COL5A2: variants seen among roughly 807,000 people sequenced by gnomAD.
The protein encoded by COL5A2 is collagen type V alpha 2 chain.
COL5A2 carries 23 observed loss-of-function variants against 208.2 expected under a neutral mutation model. The observed-to-expected ratio is 0.11, with a 90% CI of 0.08 to 0.16. COL5A2 has a LOEUF of 0.16. COL5A2 is among the 10% of genes least tolerant of loss of function. The pLI, the probability that COL5A2 is intolerant of heterozygous loss-of-function variation, is 1.00. For synonymous variants in COL5A2, 625 were observed against 628.5 expected (o/e 0.99, Z 0.08); for missense variants, 1,590 against 1,956.4 (o/e 0.81, Z 3.53).
the COL5A2 span, among the ~76,000 whole-genome samples, chr2:189,249,449 A>C: frequency 6.6e-6 from 1 of 152,196 alleles, no homozygotes; most frequent in African/African-American, 2.4e-5. Context: ...AAGTTTCTTT[A>C]TTCAAAAATA....
chr2:189,258,699 C>T, the COL5A2 span, among the ~76,000 whole-genome samples: 2 of 151,980 alleles, frequency 1.3e-5, no homozygotes, highest in East Asian at 1.9e-4. Flanking sequence ...TTTTTCCATT[C>T]ATATATGGGA....
the COL5A2 span, among the ~76,000 whole-genome samples, chr2:189,405,796 T>C: frequency 2.6e-5 from 4 of 152,236 alleles, no homozygotes; most frequent in East Asian, 1.9e-4. Context: ...TATGGAATTA[T>C]AGCACATTTT....
chr2:189,210,425 TG>T (rs1689198057), intron 1 of COL5A2, among the ~76,000 whole-genome samples: 1 of 119,574 alleles, frequency 8.4e-6, no homozygotes. Context: ...TTACATTTGT[TG>T]AGCTTGAAAA....
the COL5A2 span, among the ~76,000 whole-genome samples, chr2:189,440,903 A>G: frequency 6.6e-6 from 1 of 152,182 alleles, no homozygotes; most frequent in African/African-American, 2.4e-5. Context: ...CCAGATTTCC[A>G]AAGGAAGAAA....
At chr2:189,136,268 C>T (rs1440124677) in intron 1 of COL5A2, among the ~76,000 whole-genome samples, 1 of 151,966 alleles carries the variant, frequency 6.6e-6, no homozygotes, top group African/African-American at 2.4e-5. Flanking sequence ...GTGAGCTAAT[C>T]AGCATCTTCT....
the COL5A2 span, among the ~76,000 whole-genome samples, chr2:189,400,396 A>G: frequency 6.6e-6 from 1 of 152,168 alleles, no homozygotes; most frequent in Non-Finnish European, 1.5e-5. Flanking sequence ...CTTATTCTCT[A>G]CATGCCAAAT....
chr2:189,234,560 G>C, the COL5A2 span, among the ~76,000 whole-genome samples: 1 of 151,732 alleles, frequency 6.6e-6, no homozygotes, highest in Non-Finnish European at 1.5e-5. Flanking sequence ...TGACAGCCTG[G>C]TTACATAAAG....
rs2153505989 is a variant in COL5A2, at chr2:189,035,132, T to C, written c.4137A>G (p.Ser1379=). Residue 1379 remains serine (S), a synonymous_variant, in exon 53 of 54, where the codon TCA becomes TCG. Transcript: ENST00000374866. ...TCATCTGAGTAATGGCTGTATTAGG[T>C]GATTGGTGGTCTCCATAAGCGAACT... ...GSQFAYGDHQ[S]PNTAITQMTF... is the part of the protein sequence containing the mutation. The C allele has an allele frequency of 6.2e-7, 1 of 1,613,886 alleles. No homozygotes were observed. The highest frequency in any genetic ancestry group is 8.5e-7 in the Non-Finnish European group (1 of 1,179,872).
intron 1 of COL5A2, among the ~76,000 whole-genome samples, chr2:189,145,572 A>G (rs190215901): frequency 1.3e-5 from 2 of 152,102 alleles, no homozygotes; most frequent in Non-Finnish European, 2.9e-5. Context: ...TTGCTATATA[A>G]TCAGTGTCTA....
intron 31 of COL5A2, among the ~76,000 whole-genome samples, chr2:189,060,434 G>A (rs1272466886): frequency 1.3e-5 from 2 of 152,184 alleles, no homozygotes; most frequent in African/African-American, 4.8e-5. Context: ...GAATAAAATT[G>A]TTAGTATTTG....
At chr2:189,319,067 GA>G in the COL5A2 span, among the ~76,000 whole-genome samples, 11 of 150,098 alleles carry the variant, frequency 7.3e-5, no homozygotes, top group African/African-American at 1.5e-4. Flanking sequence ...ACATATTTGA[GA>G]AAAAAAAATA....
At chr2:189,074,395 T>C (rs913132188) in intron 17 of COL5A2, among the ~76,000 whole-genome samples, 17 of 152,228 alleles carry the variant, frequency 1.1e-4, no homozygotes, top group Admixed American at 3.9e-4. Flanking sequence ...CAAGATGGTC[T>C]GAAGCAAAAT....
At chr2:189,313,887 G>A in the COL5A2 span, among the ~76,000 whole-genome samples, 1 of 152,162 alleles carries the variant, frequency 6.6e-6, no homozygotes, top group Non-Finnish European at 1.5e-5. Context: ...TCAGCAAGAA[G>A]AATTAACTAT....
chr2:189,133,771 C>A (rs1239183113), intron 1 of COL5A2, among the ~76,000 whole-genome samples: 3 of 152,108 alleles, frequency 2.0e-5, no homozygotes, highest in Non-Finnish European at 2.9e-5. Flanking sequence ...CTTCACCAAC[C>A]AAGTGTTAAT....
Position 189,085,711 on chromosome 2 carries a change from A to T in COL5A2, c.744+8T>A, listed in dbSNP as rs2105650306. 3.1e-6 allele frequency: 5 copies of T among 1,612,580 alleles called. No individual in the cohort carries two copies. The highest frequency in any genetic ancestry group is 4.2e-6 in the Non-Finnish European group (5 of 1,178,744). On this transcript the variant is annotated splice_region_variant and intron_variant, in intron 10 of 53. Transcript: ENST00000374866. ...GTAACTGGGTCTACATGCTTACTTG[A>T]CATTTACCATTGGTCCAGGATCACC...
At chr2:189,427,900 T>C in the COL5A2 span, among the ~76,000 whole-genome samples, 75 of 152,272 alleles carry the variant, frequency 4.9e-4, no homozygotes, top group Non-Finnish European at 9.3e-4. Context: ...TGTAGCCCCT[T>C]GGTTTTGGCC....
chr2:189,160,942 TGCCTCAGCCACCCGAGTA>T lies in COL5A2; in HGVS notation c.97+18548_97+18565del, dbSNP rs1242548616. Among the ~76,000 whole-genome samples the T allele has an allele frequency of 4.7e-5, 7 of 150,134 alleles. No homozygotes were observed. In the East Asian group the frequency reaches 1.2e-3, roughly 26 times the overall value. On this transcript the variant is annotated intron_variant, in intron 1 of 53. Transcript: ENST00000374866. ...GCCTCCCAGATTCAAGTGATTCTCC[TGCCTCAGCCACCCGAGTA>T]GCTGGGATTATAGGCATGTGCCACC...
intron 51 of COL5A2, among the ~76,000 whole-genome samples, chr2:189,037,673 T>C (rs1685471238): frequency 6.6e-6 from 1 of 152,166 alleles, no homozygotes; most frequent in Admixed American, 6.5e-5. Context: ...TACATGCAAC[T>C]AGGGCAGAAC....
At chr2:189,241,360 C>T in the COL5A2 span, among the ~76,000 whole-genome samples, 1 of 152,104 alleles carries the variant, frequency 6.6e-6, no homozygotes, top group African/African-American at 2.4e-5. Context: ...CTTGTACCCC[C>T]AGGATCTATA....
Sources: allele counts gnomAD v4.1 joint callset (sites outside exome capture counted in the v4.1 genomes callset), GRCh38; gene constraint gnomAD v4.1.1; transcripts MANE v1.5; gene names NCBI Gene and HGNC (gene_info 2026-07-23, HGNC 2026-07-21).